The following CABCOCO1 variants were observed in gnomAD, a reference collection of about 807,000 sequenced individuals.
CABCOCO1 encodes the protein ciliary-associated calcium-binding coiled-coil protein 1.
CABCOCO1 carries 28 observed loss-of-function variants against 35.7 expected under a neutral mutation model. That is an observed-to-expected ratio of 0.78 (90% CI 0.58 to 1.07). The LOEUF (loss-of-function observed/expected upper bound fraction) is 1.07. CABCOCO1 is among the 50% of genes least tolerant of loss of function. CABCOCO1 has a pLI of 0.00. For missense variants in CABCOCO1, 326 were observed against 309.2 expected (o/e 1.05, Z -0.41); for synonymous variants, 95 against 100.1 (o/e 0.95, Z 0.30).
chr10:61,684,438 G>A (rs1462549116), intron 3 of CABCOCO1, among the ~76,000 whole-genome samples: 1 of 152,184 alleles, frequency 6.6e-6, no homozygotes, highest in African/African-American at 2.4e-5. Context: ...ACACCCCAGT[G>A]GGAAAGAGTA....
intron 5 of CABCOCO1, among the ~76,000 whole-genome samples, chr10:61,730,208 C>T (rs2132053015): frequency 6.6e-6 from 1 of 150,586 alleles, no homozygotes; most frequent in East Asian, 1.9e-4. Flanking sequence ...AAATGCCTGA[C>T]TTTGGGTTTG....
chr10:61,690,642 G>A (rs1485391274), intron 5 of CABCOCO1, 21 bp downstream of exon 5: 3 of 1,512,892 alleles, frequency 2.0e-6, no homozygotes, highest in South Asian at 2.3e-5. Flanking sequence ...TATCTAGATG[G>A]AACAAGTTAA....
intron 5 of CABCOCO1, among the ~76,000 whole-genome samples, chr10:61,740,308 C>T (rs185133568): frequency 7.0e-4 from 106 of 152,296 alleles, no homozygotes; most frequent in African/African-American, 2.5e-3. Context: ...TCCACTGTGA[C>T]ATCATGATAG....
At chr10:61,709,189 A>C (rs965105760) in intron 5 of CABCOCO1, among the ~76,000 whole-genome samples, 1 of 152,142 alleles carries the variant, frequency 6.6e-6, no homozygotes, top group African/African-American at 2.4e-5. Context: ...TATCCCTTTT[A>C]TTTCTACAAA....
At chr10:61,677,090 A>AATC (rs1839537645) in intron 2 of CABCOCO1, among the ~76,000 whole-genome samples, 1 of 151,100 alleles carries the variant, frequency 6.6e-6, no homozygotes, top group Non-Finnish European at 1.5e-5. Context: ...TAATAATAAT[A>AATC]ATAAATTTTT....
chr10:61,739,159 T>C (rs1841490283), intron 5 of CABCOCO1, among the ~76,000 whole-genome samples: 1 of 152,202 alleles, frequency 6.6e-6, no homozygotes, highest in African/African-American at 2.4e-5. Context: ...GCTAGTAAGA[T>C]TCTAGATGCA....
chr10:61,666,362 T>A (rs1231618504), intron 1 of CABCOCO1, among the ~76,000 whole-genome samples: 1 of 152,206 alleles, frequency 6.6e-6, no homozygotes, highest in African/African-American at 2.4e-5. Flanking sequence ...ATAGTACAGA[T>A]CAACCTATGC....
chr10:61,705,665 G>C (rs561446116), intron 5 of CABCOCO1, among the ~76,000 whole-genome samples: 8 of 152,308 alleles, frequency 5.3e-5, no homozygotes, highest in African/African-American at 1.9e-4. Flanking sequence ...ATCAAGGAAG[G>C]CTCCTGTGAG....
At position 61,761,115 on chromosome 10, in the gene CABCOCO1, C is replaced by T. The variant is rs539671953; in HGVS notation, c.816+112C>T. On this transcript the variant is annotated intron_variant, in intron 7 of 7. Transcript: ENST00000648843. ...CTGCCAGCATGAGCGATGCTTATGA[C>T]GAAGTTCAATTTAACAGCTTCACAT... 1.8e-4 allele frequency: 201 copies of T among 1,133,228 alleles called. 3 individuals carry two copies. The South Asian group carries it at 2.6e-3, about 15-fold the overall frequency. The allele number at this position is 1,133,228 out of a possible 1,614,324, so 70.2% of individuals were successfully genotyped here.
rs1839718113 is a variant in CABCOCO1 at position 61,680,603 on chromosome 10, T to TAAAC, written c.165-539_165-538insAACA. On this transcript the variant is annotated intron_variant, in intron 2 of 7. Transcript: ENST00000648843. ...TTATATATAACATATGTTATACATG[T>TAAAC]ATAACATGTTATACATAACATATAC... Among the ~76,000 whole-genome samples, 3 of 13,550 alleles carry TAAAC rather than the reference T, an allele frequency of 2.2e-4. No individual in the cohort carries two copies. The Admixed American group carries it at 4.2e-3, about 19-fold the overall frequency. The allele number at this position is 13,550 out of a possible 152,430, so 8.9% of individuals were successfully genotyped here. A position where few individuals can be genotyped will look rare whatever the true frequency, so the allele number is the denominator to read the frequency against.
chr10:61,740,623 T>C (rs1841528969), intron 5 of CABCOCO1, among the ~76,000 whole-genome samples: 1 of 152,248 alleles, frequency 6.6e-6, no homozygotes, highest in African/African-American at 2.4e-5. Context: ...ACTTCTGGAA[T>C]GTTTTAGTTC....
intron 3 of CABCOCO1, among the ~76,000 whole-genome samples, chr10:61,682,664 G>C (rs1839831097): frequency 6.6e-6 from 1 of 152,136 alleles, no homozygotes; most frequent in Non-Finnish European, 1.5e-5. Context: ...CAGTCATAGT[G>C]CTATTTGCAT....
At chr10:61,714,600 T>C (rs960364560) in intron 5 of CABCOCO1, among the ~76,000 whole-genome samples, 1 of 152,210 alleles carries the variant, frequency 6.6e-6, no homozygotes, top group African/African-American at 2.4e-5. Flanking sequence ...TCAATTGTGA[T>C]GTTAGGGTGT....
At chr10:61,715,920 C>T (rs1047440308) in intron 5 of CABCOCO1, among the ~76,000 whole-genome samples, 2 of 152,122 alleles carry the variant, frequency 1.3e-5, no homozygotes, top group South Asian at 2.1e-4. Context: ...GTAACTCAAC[C>T]TTTCTCTCTG....
intron 5 of CABCOCO1, among the ~76,000 whole-genome samples, chr10:61,734,271 C>CAATGTCATTTGTA (rs2132058091): frequency 6.6e-6 from 1 of 152,042 alleles, no homozygotes; most frequent in Admixed American, 6.6e-5. Flanking sequence ...CATTTGTACA[C>CAATGTCATTTGTA]CTTTAAAATT....
At chr10:61,755,836 A>G (rs766555725) in intron 5 of CABCOCO1, among the ~76,000 whole-genome samples, 1 of 152,050 alleles carries the variant, frequency 6.6e-6, no homozygotes, top group Non-Finnish European at 1.5e-5. Context: ...AAGAAAGCAT[A>G]AAGTGATAAA....
At chr10:61,726,950 C>G (rs1319824220) in intron 5 of CABCOCO1, among the ~76,000 whole-genome samples, 1 of 151,562 alleles carries the variant, frequency 6.6e-6, no homozygotes, top group African/African-American at 2.4e-5. Flanking sequence ...GTAATTCCAG[C>G]TCTAGGGAGA....
intron 5 of CABCOCO1, among the ~76,000 whole-genome samples, chr10:61,723,146 G>T (rs1001810883): frequency 1.3e-5 from 2 of 152,194 alleles, no homozygotes; most frequent in Admixed American, 6.5e-5. Flanking sequence ...AACACGTCAT[G>T]ATCAAGTGGA....
chr10:61,683,737 T>C (rs988272037), intron 3 of CABCOCO1, among the ~76,000 whole-genome samples: 1 of 152,206 alleles, frequency 6.6e-6, no homozygotes, highest in African/African-American at 2.4e-5. Flanking sequence ...AGTGGCTTAA[T>C]CTTTTATATT....
Sources: gnomAD v4.1 joint callset for allele counts (sites outside exome capture counted in the v4.1 genomes callset) on GRCh38, gnomAD v4.1.1 for gene constraint, MANE v1.5 for transcripts, NCBI Gene and HGNC (gene_info 2026-07-23, HGNC 2026-07-21) for gene names.